SRPK2: variants seen among roughly 807,000 people sequenced by gnomAD.
The protein encoded by SRPK2 is SFRS protein kinase 2.
Under a neutral mutation model 90.8 loss-of-function variants are expected in SRPK2, and 21 were observed. The observed-to-expected ratio is 0.23, with a 90% CI of 0.16 to 0.33. The LOEUF (loss-of-function observed/expected upper bound fraction) is 0.33. Among genes scored for constraint, SRPK2 ranks in the 10% least tolerant of loss-of-function variants. The pLI is 1.00. For missense variants in SRPK2, 620 were observed against 869.0 expected (o/e 0.71, Z 3.60); for synonymous variants, 288 against 311.1 (o/e 0.93, Z 0.78).
chr7:105,201,644 A>AAG (rs1164686927), intron 3 of SRPK2, among the ~76,000 whole-genome samples: 4 of 151,696 alleles, frequency 2.6e-5, no homozygotes, highest in African/African-American at 4.8e-5. Flanking sequence ...AGAAAAAAAA[A>AAG]AAAAACTTTT....
At chr7:105,371,182 T>A (rs13239067) in intron 2 of SRPK2, among the ~76,000 whole-genome samples, 41,665 of 150,608 alleles carry the variant, frequency 0.28, 6,223 homozygotes, top group Middle Eastern at 0.35. Context: ...GGTGAATGGA[T>A]CACTTGAGGC....
chr7:105,253,920 A>C (rs1392819297), intron 2 of SRPK2, among the ~76,000 whole-genome samples: 2 of 152,278 alleles, frequency 1.3e-5, no homozygotes, highest in African/African-American at 4.8e-5. Context: ...AACAAAAAAA[A>C]ACAAGCCAGC....
At chr7:105,230,425 C>A (rs1042993800) in intron 2 of SRPK2, among the ~76,000 whole-genome samples, 16 of 152,102 alleles carry the variant, frequency 1.1e-4, no homozygotes, top group African/African-American at 3.4e-4. Context: ...CTCACACTGG[C>A]AAAAAAGCAA....
intron 2 of SRPK2, among the ~76,000 whole-genome samples, chr7:105,303,933 T>C (rs1053178193): frequency 6.6e-6 from 1 of 152,182 alleles, no homozygotes; most frequent in Non-Finnish European, 1.5e-5. Flanking sequence ...GATCTTTTGT[T>C]AACAGCTGAA....
chr7:105,167,391 C>A lies in SRPK2; in HGVS notation c.500G>T (p.Gly167Val). 6.2e-7 allele frequency: 1 copy of A among 1,613,362 alleles called. No individual in the cohort carries two copies. The highest frequency in any genetic ancestry group is 8.5e-7 in the Non-Finnish European group (1 of 1,179,510). Reference sequence around the variant, plus strand: ...GTAAAGGATACGTATCCCATTCATGCCTGAAATCTTGAAGTCGTCAATGAG... The same window carrying A: ...GTAAAGGATACGTATCCCATTCATGACTGAAATCTTGAAGTCGTCAATGAG... ...VQLIDDFKISGMNGIHVCMVF... is the reference protein window; with the variant it reads ...VQLIDDFKISVMNGIHVCMVF... The change falls in exon 6 of 16, where the codon GGC becomes GTC. Residue 167 changes from glycine (G) to valine (V), a missense_variant. Gly to Val is a moderately radical substitution (Grantham distance 109). Around this residue, in one of 8 missense-constraint regions of SRPK2, gnomAD observed 196 missense variants for 339.2 expected, o/e 0.58. Coordinates refer to ENST00000393651, the MANE Select transcript of SRPK2 (RefSeq NM_182692.3).
At chr7:105,391,482 G>A (rs911080941), upstream of SRPK2, among the ~76,000 whole-genome samples, 34 of 152,138 alleles carry the variant, frequency 2.2e-4, no homozygotes, top group African/African-American at 7.7e-4. Context: ...TGGGATTACA[G>A]GCATGAGCCA....
chr7:105,169,415 C>T, intron 3 of SRPK2, 150 bp from the exon 4 acceptor site: 1 of 637,872 alleles, frequency 1.6e-6, no homozygotes, highest in Non-Finnish European at 2.6e-6. Flanking sequence ...ACATTTTTTT[C>T]AGGAATATCT....
At chr7:105,151,249 T>A (rs1805600538) in intron 7 of SRPK2, among the ~76,000 whole-genome samples, 1 of 152,152 alleles carries the variant, frequency 6.6e-6, no homozygotes, top group Admixed American at 6.5e-5. Context: ...CAGGGCAGCG[T>A]TAAAAACATG....
chr7:105,149,153 A>G lies in SRPK2; in HGVS notation c.622-2495T>C, dbSNP rs183744096. Among the ~76,000 whole-genome samples, 173 of 152,264 alleles carry G rather than the reference A, an allele frequency of 1.1e-3. 2 individuals are homozygous for G. Among genetic ancestry groups the G allele is most frequent in the Middle Eastern group, 0.01 (3 of 294 alleles). On this transcript the variant is annotated intron_variant, in intron 7 of 15. Coordinates refer to ENST00000393651, the MANE Select transcript of SRPK2 (RefSeq NM_182692.3). ...CTTGCAGTTGAGATAGAGGAAGGCCACTGTCTCCTGCCTGCCCCTGGGAAC... is the reference window on the plus strand; with the variant it reads ...CTTGCAGTTGAGATAGAGGAAGGCCGCTGTCTCCTGCCTGCCCCTGGGAAC...
At chr7:105,229,210 T>C (rs1396776435) in intron 2 of SRPK2, among the ~76,000 whole-genome samples, 2 of 152,188 alleles carry the variant, frequency 1.3e-5, no homozygotes, top group Non-Finnish European at 2.9e-5. Flanking sequence ...ACGCCCGTAA[T>C]ACCAGCACTT....
chr7:105,257,634 ATGGCTCAGG>A (rs2129643177), intron 2 of SRPK2, among the ~76,000 whole-genome samples: 1 of 152,276 alleles, frequency 6.6e-6, no homozygotes, highest in East Asian at 1.9e-4. Flanking sequence ...CAGAGAGCAT[ATGGCTCAGG>A]CTTGGAGCCT....
chr7:105,338,063 T>C (rs1168637272), intron 2 of SRPK2, among the ~76,000 whole-genome samples: 2 of 131,984 alleles, frequency 1.5e-5, no homozygotes, highest in African/African-American at 5.8e-5. Flanking sequence ...AAAAAAACTT[T>C]AAAAAAGAAA....
intron 2 of SRPK2, among the ~76,000 whole-genome samples, chr7:105,210,451 G>A (rs564909128): frequency 1.3e-5 from 2 of 152,184 alleles, no homozygotes; most frequent in South Asian, 4.1e-4. Flanking sequence ...ATTAATAGTA[G>A]AATCGGTCAA....
chr7:105,359,136 TATCCAAACCAC>T (rs943460191), intron 2 of SRPK2, among the ~76,000 whole-genome samples: 2 of 139,554 alleles, frequency 1.4e-5, no homozygotes, highest in African/African-American at 5.2e-5. Context: ...AAACAAACCA[TATCCAAACCAC>T]AGCTTTTTTT....
At chr7:105,335,268 AGCC>A (rs1814960019) in intron 2 of SRPK2, among the ~76,000 whole-genome samples, 1 of 152,258 alleles carries the variant, frequency 6.6e-6, no homozygotes, top group South Asian at 2.1e-4. Flanking sequence ...GATTATTTAT[AGCC>A]ACAAGATAAT....
intron 2 of SRPK2, among the ~76,000 whole-genome samples, chr7:105,303,311 T>C (rs915412767): frequency 5.3e-5 from 8 of 151,686 alleles, no homozygotes; most frequent in African/African-American, 1.7e-4. Flanking sequence ...CCAGGGCCTG[T>C]CGTGGGGTGG....
chr7:105,174,727 C>T (rs929025391), intron 3 of SRPK2, among the ~76,000 whole-genome samples: 1 of 152,162 alleles, frequency 6.6e-6, no homozygotes. Flanking sequence ...ACACTATCAA[C>T]CAGCTTGACC....
intron 2 of SRPK2, among the ~76,000 whole-genome samples, chr7:105,343,863 A>G (rs1168993776): frequency 2.0e-5 from 3 of 152,082 alleles, no homozygotes; most frequent in Non-Finnish European, 4.4e-5. Flanking sequence ...CCTGGGTTCA[A>G]GCGATTCTCC....
intron 2 of SRPK2, among the ~76,000 whole-genome samples, chr7:105,337,200 T>TC (rs1186477364): frequency 6.6e-6 from 1 of 152,098 alleles, no homozygotes; most frequent in East Asian, 1.9e-4. Context: ...CTGAATTGTG[T>TC]CCCCCCAAAA....
Sources: allele counts gnomAD v4.1 joint callset (sites outside exome capture counted in the v4.1 genomes callset), GRCh38; gene constraint gnomAD v4.1.1; regional missense constraint gnomAD v4.1.1; transcripts MANE v1.5; gene names NCBI Gene and HGNC (gene_info 2026-07-23, HGNC 2026-07-21).